Variants in CNIH3 observed in about 807,000 individuals in gnomAD.
CNIH3 encodes protein cornichon homolog 3.
A neutral mutation model predicts 24.1 loss-of-function variants in CNIH3; 14 were observed. The ratio of observed to expected loss-of-function variants is 0.58; its 90% CI spans 0.38 to 0.91. The LOEUF is 0.91. CNIH3 is among the 40% of genes least tolerant of loss of function. CNIH3 has a pLI of 0.00. For synonymous variants in CNIH3, 68 were observed against 73.8 expected (o/e 0.92, Z 0.40); for missense variants, 178 against 196.8 (o/e 0.90, Z 0.57).
chr1:224,710,026 TAAC>T (rs1189863282), intron 3 of CNIH3, among the ~76,000 whole-genome samples: 2 of 152,246 alleles, frequency 1.3e-5, no homozygotes, highest in East Asian at 1.9e-4. Flanking sequence ...AGAAAAATTA[TAAC>T]AACATACTGT....
chr1:224,445,268 C>T (rs1675107489), intron 1 of CNIH3, among the ~76,000 whole-genome samples: 1 of 151,896 alleles, frequency 6.6e-6, no homozygotes, highest in Non-Finnish European at 1.5e-5. Flanking sequence ...GCTTGTTCCT[C>T]CTCTTTTAAG....
rs71170028 is a variant in CNIH3 at position 224,674,272 on chromosome 1, G to GTTTTTTTTTTTTTTTTTTTTTTTTT, written c.82-6675_82-6651dup. ...AATCGTTTCTTCATCTTCCAGGAAGGTTTTTTTTTTTTTTTTTTTTTTTTT... is the reference window on the plus strand; with the variant it reads ...AATCGTTTCTTCATCTTCCAGGAAGGTTTTTTTTTTTTTTTTTTTTTTTTTTTTTTTTTTTTTTTTTTTTTTTTTT... On this transcript the variant is annotated intron_variant, in intron 1 of 5. Coordinates refer to ENST00000272133, the MANE Select transcript of CNIH3 (RefSeq NM_152495.2). Among the ~76,000 whole-genome samples, 3 of 72,062 alleles carry GTTTTTTTTTTTTTTTTTTTTTTTTT rather than the reference G, an allele frequency of 4.2e-5. 1 individual carries two copies. The highest frequency in any genetic ancestry group is 1.6e-4 in the African/African-American group (3 of 18,630). The allele number at this position is 72,062 out of a possible 152,430, so 47.3% of individuals were successfully genotyped here.
rs142734573 is a variant in CNIH3 at position 224,456,564 on chromosome 1, C to T, written n.203+21702C>T. On this transcript the variant is annotated intron_variant and non_coding_transcript_variant, in intron 1 of 5. Transcript: ENST00000471578. Reference sequence around the variant, plus strand: ...CAGTTGGGACAATAAGTGCGTGCCACCACACCCAGCTAATTTTTGTATTTT... The same window carrying T: ...CAGTTGGGACAATAAGTGCGTGCCATCACACCCAGCTAATTTTTGTATTTT... Among the ~76,000 whole-genome samples, 83 of 152,294 alleles carry T rather than the reference C, an allele frequency of 5.4e-4. No individual in the cohort carries two copies. The East Asian group carries it at 0.014, about 26-fold the overall frequency.
intron 1 of CNIH3, among the ~76,000 whole-genome samples, chr1:224,645,973 G>A (rs1334426950): frequency 6.6e-6 from 1 of 152,182 alleles, no homozygotes; most frequent in Non-Finnish European, 1.5e-5. Context: ...TTTGGGCATT[G>A]TGCTGGGTAG....
intron 1 of CNIH3, among the ~76,000 whole-genome samples, chr1:224,656,334 A>G (rs949238656): frequency 1.4e-4 from 21 of 152,260 alleles, no homozygotes; most frequent in African/African-American, 4.6e-4. Context: ...AATTAACAGC[A>G]TCGATAAACC....
chr1:224,716,732 A>G (rs1042385683), intron 3 of CNIH3, among the ~76,000 whole-genome samples: 7 of 152,146 alleles, frequency 4.6e-5, no homozygotes, highest in African/African-American at 1.7e-4. Context: ...CTGTGGGGTG[A>G]GGAGGAAAGT....
At chr1:224,555,891 T>A (rs141015226) in intron 3 of CNIH3, among the ~76,000 whole-genome samples, 5 of 152,316 alleles carry the variant, frequency 3.3e-5, no homozygotes, top group African/African-American at 1.2e-4. Flanking sequence ...CCTCCATGGT[T>A]CCTTGTTTCC....
Position 224,659,867 on chromosome 1 carries a change from A to T in CNIH3, c.82-21091A>T, listed in dbSNP as rs570148518. Among the ~76,000 whole-genome samples the T allele has an allele frequency of 7.9e-5, 12 of 152,332 alleles. No individual in the cohort carries two copies. In the South Asian group the frequency reaches 2.5e-3, roughly 32 times the overall value. Reference sequence around the variant, plus strand: ...TCAGGCCTTTTCATGGGGAGAAAAAAGCTGAAAGCAGCAAGACACATTCTG... The same window carrying T: ...TCAGGCCTTTTCATGGGGAGAAAAATGCTGAAAGCAGCAAGACACATTCTG... On this transcript the variant is annotated intron_variant, in intron 1 of 5. Coordinates refer to ENST00000272133, the MANE Select transcript of CNIH3 (RefSeq NM_152495.2).
chr1:224,592,896 A>T (rs769222485), downstream of CNIH3, among the ~76,000 whole-genome samples: 3 of 152,142 alleles, frequency 2.0e-5, no homozygotes, highest in Non-Finnish European at 4.4e-5. Flanking sequence ...CCCAGAGCTA[A>T]ATGGGGAGTT....
intron 5 of CNIH3, among the ~76,000 whole-genome samples, chr1:224,736,357 C>G (rs1689591643): frequency 6.6e-6 from 1 of 152,142 alleles, no homozygotes; most frequent in African/African-American, 2.4e-5. Context: ...AACTCCTGGG[C>G]TCATGTGATC....
intron 3 of CNIH3, among the ~76,000 whole-genome samples, chr1:224,594,326 C>G (rs1321491905): frequency 2.6e-5 from 4 of 152,118 alleles, no homozygotes; most frequent in African/African-American, 9.7e-5. Context: ...GGAACTGGAG[C>G]AAATGGAGGT....
At chr1:224,495,353 C>G (rs1157470361) in intron 1 of CNIH3, among the ~76,000 whole-genome samples, 1 of 152,186 alleles carries the variant, frequency 6.6e-6, no homozygotes, top group Non-Finnish European at 1.5e-5. Flanking sequence ...TGATTTTTTA[C>G]TACAAGATCA....
At chr1:224,689,989 GCTTT>G (rs1558297312) in intron 3 of CNIH3, among the ~76,000 whole-genome samples, 1 of 152,078 alleles carries the variant, frequency 6.6e-6, no homozygotes, top group Non-Finnish European at 1.5e-5. Context: ...TGTGACTGCC[GCTTT>G]TGGGCATATA....
At chr1:224,601,803 T>C (rs953750908) in intron 3 of CNIH3, among the ~76,000 whole-genome samples, 8 of 152,248 alleles carry the variant, frequency 5.3e-5, no homozygotes, top group South Asian at 2.1e-4. Context: ...AGAATGCTTA[T>C]GAAGAAAAAA....
At chr1:224,701,057 G>T (rs1030494085) in intron 3 of CNIH3, among the ~76,000 whole-genome samples, 1 of 152,194 alleles carries the variant, frequency 6.6e-6, no homozygotes, top group African/African-American at 2.4e-5. Flanking sequence ...CCCATGCTGG[G>T]GCTGAAGGAA....
At chr1:224,584,729 A>T (rs76700484) in intron 5 of CNIH3, among the ~76,000 whole-genome samples, 1 of 83,280 alleles carries the variant, frequency 1.2e-5, no homozygotes, top group South Asian at 4.9e-4. Flanking sequence ...TTGGTTGTGA[A>T]ATAATTTGTA....
chr1:224,685,239 C>T (rs1049533669), intron 3 of CNIH3, among the ~76,000 whole-genome samples: 1 of 152,162 alleles, frequency 6.6e-6, no homozygotes, highest in Non-Finnish European at 1.5e-5. Context: ...TGCTGGGTTT[C>T]CTTTGAGGTT....
rs1339638535 is a variant in CNIH3, at chr1:224,645,927, C to G, written c.81+28672C>G. 2.0e-5 allele frequency among the ~76,000 whole-genome samples: 3 copies of G among 152,310 alleles called. No individual in the cohort carries two copies. The East Asian group carries it at 5.8e-4, about 29-fold the overall frequency. On this transcript the variant is annotated intron_variant, in intron 1 of 5. Coordinates refer to ENST00000272133, the MANE Select transcript of CNIH3 (RefSeq NM_152495.2). ...CATGGCCCATGTTTAATTTATAGATCAGATCATCTCTTCCCCTTGGCAGTA... is the reference window on the plus strand; with the variant it reads ...CATGGCCCATGTTTAATTTATAGATGAGATCATCTCTTCCCCTTGGCAGTA...
intron 1 of CNIH3, among the ~76,000 whole-genome samples, chr1:224,671,409 G>C (rs1439649903): frequency 2.0e-5 from 3 of 152,320 alleles, no homozygotes; most frequent in Non-Finnish European, 2.9e-5. Context: ...TAAGCCTGCT[G>C]TGTCCTGCCC....
Sources: allele counts gnomAD v4.1 joint callset (sites outside exome capture counted in the v4.1 genomes callset), GRCh38; gene constraint gnomAD v4.1.1; transcripts MANE v1.5; gene names NCBI Gene and HGNC (gene_info 2026-07-23, HGNC 2026-07-21).